NUDCD1: variants seen among roughly 807,000 people sequenced by gnomAD.
NUDCD1 encodes the protein nudC domain-containing protein 1.
Under a neutral mutation model 67.8 loss-of-function variants are expected in NUDCD1, and 60 were observed. The ratio of observed to expected loss-of-function variants is 0.88; its 90% CI spans 0.72 to 1.10. NUDCD1 has a LOEUF of 1.10. Among genes scored for constraint, NUDCD1 ranks in the 50% least tolerant of loss-of-function variants. The pLI, the probability that NUDCD1 is intolerant of heterozygous loss-of-function variation, is 0.00. For synonymous variants in NUDCD1, 244 were observed against 230.8 expected, an observed-to-expected ratio of 1.06 and a Z score of -0.52; for missense variants, 643 against 695.0, an observed-to-expected ratio of 0.93 and a Z score of 0.84.
intron 2 of NUDCD1, among the ~76,000 whole-genome samples, chr8:109,311,349 G>A (rs954067945): frequency 6.6e-6 from 1 of 151,942 alleles, no homozygotes; most frequent in Admixed American, 6.6e-5. Flanking sequence ...CAACCACTAC[G>A]GAAAACAGTA....
rs5893951 is a variant in NUDCD1, at chr8:109,312,298, C to CAA, written c.273+10009_273+10010dup. Among the ~76,000 whole-genome samples the CAA allele has an allele frequency of 2.7e-3, 226 of 82,438 alleles. 1 individual carries two copies. The highest frequency in any genetic ancestry group is 3.3e-3 in the Non-Finnish European group (144 of 43,002). The allele number at this position is 82,438 out of a possible 152,430, so 54.1% of individuals were successfully genotyped here. On this transcript the variant is annotated intron_variant, in intron 2 of 9. Transcript: ENST00000239690. Reference sequence around the variant, plus strand: ...CCCGGGCAACAGAGCGAGACACTGTCAAAAAAAAAAAAAAAAAAAAAAGCC... The same window carrying CAA: ...CCCGGGCAACAGAGCGAGACACTGTCAAAAAAAAAAAAAAAAAAAAAAAAGCC...
intron 1 of NUDCD1, among the ~76,000 whole-genome samples, chr8:109,325,490 T>C (rs1815659470): frequency 6.6e-6 from 1 of 152,198 alleles, no homozygotes; most frequent in Non-Finnish European, 1.5e-5. Context: ...AACATATTTT[T>C]AAAATAAAAA....
chr8:109,280,144 T>C (rs1021316896), intron 6 of NUDCD1, among the ~76,000 whole-genome samples: 2 of 151,708 alleles, frequency 1.3e-5, no homozygotes, highest in African/African-American at 4.9e-5. Context: ...ATTAACACAA[T>C]AGAGGATTAA....
Position 109,243,098 on chromosome 8 carries a change from G to T in NUDCD1, c.1663C>A (p.Pro555Thr). Residue 555 changes from proline (P) to threonine (T), a missense_variant, in exon 10 of 10, where the codon CCT becomes ACT. By Grantham distance (38) the Pro-to-Thr change is conservative. Coordinates refer to ENST00000239690, the MANE Select transcript of NUDCD1 (RefSeq NM_032869.4). The part of the protein sequence containing the change: ...QQVASLETND[P>T]ILGFQATNER... Reference sequence around the variant, plus strand: ...TTTGTTGCCTGAAATCCTAAAATAGGATCATTGGTTTCTAGGCTTGCTACT... The same window carrying T: ...TTTGTTGCCTGAAATCCTAAAATAGTATCATTGGTTTCTAGGCTTGCTACT... The T allele has an allele frequency of 6.2e-7, 1 of 1,613,526 alleles. No individual in the cohort carries two copies. Among genetic ancestry groups the T allele is most frequent in the South Asian group, 1.1e-5 (1 of 91,062 alleles).
chr8:109,243,371 C>T (rs1423349469), intron 9 of NUDCD1, 70 bp from the exon 10 acceptor site: 10 of 1,226,932 alleles, frequency 8.2e-6, no homozygotes, highest in Non-Finnish European at 1.0e-5. Flanking sequence ...GATGATTTAA[C>T]ATTTAATATT....
chr8:109,282,019 A>C (rs947705681), intron 5 of NUDCD1, among the ~76,000 whole-genome samples: 5 of 152,142 alleles, frequency 3.3e-5, no homozygotes, highest in African/African-American at 1.2e-4. Flanking sequence ...CCCTGTCCAG[A>C]GAACTTGGGG....
intron 8 of NUDCD1, among the ~76,000 whole-genome samples, chr8:109,257,501 TA>T (rs1329152608): frequency 6.6e-6 from 1 of 152,076 alleles, no homozygotes; most frequent in Admixed American, 6.5e-5. Context: ...TCAATATCAT[TA>T]AAGTATCAAT....
intron 8 of NUDCD1, among the ~76,000 whole-genome samples, chr8:109,261,074 G>C (rs1050017115): frequency 2.6e-5 from 4 of 152,080 alleles, no homozygotes; most frequent in African/African-American, 9.7e-5. Flanking sequence ...TACATGTAGG[G>C]GGGTATTTTA....
At chr8:109,253,645 G>C (rs532793157) in intron 8 of NUDCD1, among the ~76,000 whole-genome samples, 1 of 152,184 alleles carries the variant, frequency 6.6e-6, no homozygotes, top group East Asian at 1.9e-4. Context: ...TTAGGTAACA[G>C]GATTTCTTCC....
intron 8 of NUDCD1, among the ~76,000 whole-genome samples, chr8:109,252,171 G>A (rs1019781962): frequency 1.3e-5 from 2 of 152,104 alleles, no homozygotes; most frequent in Non-Finnish European, 2.9e-5. Flanking sequence ...TGGTGAGGGG[G>A]ATGTGGGTTG....
chr8:109,277,474 A>T (rs1243772653), intron 6 of NUDCD1, among the ~76,000 whole-genome samples: 1 of 151,936 alleles, frequency 6.6e-6, no homozygotes, highest in Non-Finnish European at 1.5e-5. Context: ...CAAAAAAAAA[A>T]CCCCAAACAA....
chr8:109,289,028 T>C (rs1586281239), intron 5 of NUDCD1, among the ~76,000 whole-genome samples: 1 of 151,428 alleles, frequency 6.6e-6, no homozygotes, highest in Non-Finnish European at 1.5e-5. Context: ...CAAGCTGGAG[T>C]GCAGTGGCAC....
At position 109,289,900 on chromosome 8, in the gene NUDCD1, A is replaced by G. The variant is rs781496762; in HGVS notation, c.674T>C (p.Ile225Thr). 31 of 1,522,144 alleles carry G rather than the reference A, an allele frequency of 2.0e-5. No individual in the cohort carries two copies. Among genetic ancestry groups the G allele is most frequent in the Non-Finnish European group, 2.7e-5 (31 of 1,138,708 alleles). The allele number at this position is 1,522,144 out of a possible 1,614,324, so 94.3% of individuals were successfully genotyped here. ...ATGTGGCACTGACTTTCCACGGAGA[A>G]TATCACGCTTAATAATTTCATATTT... ...NKKYEIIKRD[I>T]LRGKSVPHYA... is the part of the protein sequence containing the mutation. The change falls in exon 5 of 10, where the codon ATT becomes ACT. Residue 225 changes from isoleucine to threonine, a missense_variant. Coordinates refer to ENST00000239690, the MANE Select transcript of NUDCD1 (RefSeq NM_032869.4).
At chr8:109,278,722 A>G (rs1219639280) in intron 6 of NUDCD1, among the ~76,000 whole-genome samples, 1 of 152,130 alleles carries the variant, frequency 6.6e-6, no homozygotes, top group African/African-American at 2.4e-5. Flanking sequence ...CTTTTTATTT[A>G]TTGCTAGCAC....
rs1429220320 is a variant in NUDCD1, at chr8:109,334,031, T to C, written c.-21A>G. On this transcript the variant is annotated 5_prime_UTR_variant, in exon 1 of 10. Transcript: ENST00000239690. ...TCCATCGCTTTCCAGGGCCGCAGCG[T>C]GAGAATTAATAAAGCCCTTGTTGAA... 3 of 1,613,010 alleles carry C rather than the reference T, an allele frequency of 1.9e-6. No homozygotes were observed. Among genetic ancestry groups the C allele is most frequent in the Middle Eastern group, 3.3e-4 (2 of 6,078 alleles).
intron 2 of NUDCD1, 118 bp from the exon 3 acceptor site, chr8:109,296,687 T>C (rs747146052): frequency 2.9e-6 from 2 of 688,514 alleles, no homozygotes; most frequent in East Asian, 2.8e-5. Context: ...CTAATTCCTC[T>C]TCCTTTGATG....
At chr8:109,326,574 T>C (rs1403966224) in intron 1 of NUDCD1, among the ~76,000 whole-genome samples, 2 of 152,170 alleles carry the variant, frequency 1.3e-5, no homozygotes, top group Non-Finnish European at 2.9e-5. Context: ...GCCAGTGTAG[T>C]AAATATTTTA....
intron 2 of NUDCD1, among the ~76,000 whole-genome samples, chr8:109,307,974 A>G (rs1354754110): frequency 2.6e-5 from 4 of 152,188 alleles, no homozygotes; most frequent in Non-Finnish European, 5.9e-5. Context: ...AATTTATAAA[A>G]CAATTACTAA....
intron 6 of NUDCD1, among the ~76,000 whole-genome samples, chr8:109,279,482 G>C (rs1350057605): frequency 1.5e-5 from 2 of 131,282 alleles, no homozygotes; most frequent in African/African-American, 5.5e-5. Context: ...TATACACTAA[G>C]AATGAAAGTC....
Sources: allele counts gnomAD v4.1 joint callset (sites outside exome capture counted in the v4.1 genomes callset), GRCh38; gene constraint gnomAD v4.1.1; transcripts MANE v1.5; gene names NCBI Gene and HGNC (gene_info 2026-07-23, HGNC 2026-07-21).